Variants in TRPM3 observed in about 807,000 individuals in gnomAD.
TRPM3 encodes the protein transient receptor potential cation channel subfamily M member 3.
TRPM3 carries 77 observed loss-of-function variants against 181.2 expected under a neutral mutation model. The observed-to-expected ratio is 0.42, with a 90% CI of 0.35 to 0.51. The LOEUF is 0.51. Among genes scored for constraint, TRPM3 ranks in the 20% least tolerant of loss-of-function variants. The pLI is 0.01. For synonymous variants in TRPM3, 745 were observed against 796.4 expected (o/e 0.94, Z 1.09); for missense variants, 1,759 against 2,196.7 (o/e 0.80, Z 3.98).
intron 1 of TRPM3, among the ~76,000 whole-genome samples, chr9:71,390,343 A>G (rs995453389): frequency 1.3e-5 from 2 of 152,040 alleles, no homozygotes; most frequent in Non-Finnish European, 2.9e-5. Context: ...TATCAACTAA[A>G]ACTAACTTTC....
intron 1 of TRPM3, among the ~76,000 whole-genome samples, chr9:71,225,409 A>G (rs2080534830): frequency 1.3e-5 from 2 of 152,158 alleles, no homozygotes; most frequent in Non-Finnish European, 2.9e-5. Flanking sequence ...AAGGAAAAAT[A>G]AAGACTTTTC....
At chr9:71,307,996 G>GT (rs1588417221) in intron 1 of TRPM3, among the ~76,000 whole-genome samples, 1 of 146,516 alleles carries the variant, frequency 6.8e-6, no homozygotes. Flanking sequence ...TTGAGATGGA[G>GT]TTTCACTCTT....
At chr9:71,124,209 T>C (rs994287480), upstream of TRPM3, among the ~76,000 whole-genome samples, 27 of 151,734 alleles carry the variant, frequency 1.8e-4, no homozygotes, top group African/African-American at 6.5e-4. Context: ...TATCAAAACA[T>C]CTAAAGAAGG....
At chr9:71,329,901 T>A (rs1170374635) in intron 1 of TRPM3, among the ~76,000 whole-genome samples, 2 of 152,204 alleles carry the variant, frequency 1.3e-5, no homozygotes, top group Non-Finnish European at 2.9e-5. Context: ...TGAACCCTTG[T>A]ACAAATAAAT....
intron 1 of TRPM3, among the ~76,000 whole-genome samples, chr9:71,048,851 T>C (rs1286285336): frequency 1.3e-5 from 2 of 152,206 alleles, no homozygotes; most frequent in African/African-American, 4.8e-5. Context: ...GATGTATTTC[T>C]GTGAGATATT....
chr9:70,912,106 T>C (rs577908512), intron 1 of TRPM3, among the ~76,000 whole-genome samples: 23 of 152,312 alleles, frequency 1.5e-4, no homozygotes, highest in African/African-American at 5.5e-4. Context: ...AGTGTCTCAA[T>C]CTGTGCATAG....
Position 71,057,337 on chromosome 9 carries a change from T to C in TRPM3, c.177+63841A>G, listed in dbSNP as rs942594243. Among the ~76,000 whole-genome samples, 10 of 152,114 alleles carry C rather than the reference T, an allele frequency of 6.6e-5. No homozygotes were observed. In the East Asian group the frequency reaches 1.7e-3, roughly 26 times the overall value. ...GCTTGGATTGGTTGTTGTCTTCTCA[T>C]TCTGCTTTTGTATTTGAAGCTAGTG... On this transcript the variant is annotated intron_variant, in intron 1 of 25. Coordinates refer to ENST00000677713, the MANE Select transcript of TRPM3 (RefSeq NM_001366145.2).
At chr9:71,338,646 G>C (rs909308863) in intron 1 of TRPM3, among the ~76,000 whole-genome samples, 1 of 151,968 alleles carries the variant, frequency 6.6e-6, no homozygotes, top group Admixed American at 6.6e-5. Flanking sequence ...ATAAAAAGCA[G>C]TATCTGAAAT....
intron 9 of TRPM3, among the ~76,000 whole-genome samples, chr9:70,664,641 G>GTTTTTTTTTTTTTTTTTTTT (rs71367210): frequency 1.0e-5 from 1 of 100,220 alleles, no homozygotes. Flanking sequence ...TAGGAGAGTA[G>GTTTTTTTTTTTTTTTTTTTT]TTTTTTTTTT....
chr9:71,109,623 G>A (rs746887827), intron 1 of TRPM3, among the ~76,000 whole-genome samples: 10 of 151,996 alleles, frequency 6.6e-5, no homozygotes, highest in South Asian at 2.1e-4. Context: ...AGAATTGGCC[G>A]TTTCATTCTT....
Position 71,204,091 on chromosome 9 carries a change from C to T in TRPM3, c.183+242562G>A, listed in dbSNP as rs1360261039. Among the ~76,000 whole-genome samples the T allele has an allele frequency of 7.9e-5, 12 of 151,244 alleles. No homozygotes were observed. The East Asian group carries it at 2.3e-3, about 29-fold the overall frequency. On this transcript the variant is annotated intron_variant, in intron 1 of 24. Transcript: ENST00000357533. Reference sequence around the variant, plus strand: ...ATGGATTAAAGACTTAAACATTAGACCTAAAACCATAAAAACCCTAGAAGA... The same window carrying T: ...ATGGATTAAAGACTTAAACATTAGATCTAAAACCATAAAAACCCTAGAAGA...
chr9:70,678,229 T>G (rs1405449458), intron 9 of TRPM3, among the ~76,000 whole-genome samples: 1 of 152,188 alleles, frequency 6.6e-6, no homozygotes, highest in East Asian at 1.9e-4. Flanking sequence ...GTGAGCCCCT[T>G]ACATCTCTGA....
intron 22 of TRPM3, among the ~76,000 whole-genome samples, chr9:70,587,743 G>A (rs2057382387): frequency 6.6e-6 from 1 of 152,174 alleles, no homozygotes; most frequent in Non-Finnish European, 1.5e-5. Context: ...ACAACCCAGG[G>A]CCTAAGTTGT....
intron 1 of TRPM3, among the ~76,000 whole-genome samples, chr9:71,152,428 G>T (rs1382417997): frequency 2.6e-5 from 4 of 151,994 alleles, no homozygotes; most frequent in South Asian, 2.1e-4. Context: ...CAACCTCAAA[G>T]AAATCTTTAA....
chr9:71,292,929 C>A (rs1355947726), intron 1 of TRPM3, among the ~76,000 whole-genome samples: 5 of 151,658 alleles, frequency 3.3e-5, no homozygotes, highest in African/African-American at 1.2e-4. Flanking sequence ...CACAGCAATG[C>A]CCAAAAAAGC....
chr9:70,538,315 TG>T (rs376264090), intron 25 of TRPM3, among the ~76,000 whole-genome samples: 1,847 of 152,008 alleles, frequency 0.012, 36 homozygotes, highest in African/African-American at 0.041. Context: ...TTTTTAGAGA[TG>T]GGGGGGGTCT....
intron 1 of TRPM3, among the ~76,000 whole-genome samples, chr9:71,225,552 T>G (rs979393575): frequency 2.0e-5 from 3 of 152,124 alleles, no homozygotes; most frequent in African/African-American, 7.2e-5. Flanking sequence ...CAAAACTCAC[T>G]GCTAATAAGT....
intron 1 of TRPM3, among the ~76,000 whole-genome samples, chr9:70,935,606 C>T (rs2096821762): frequency 6.6e-6 from 1 of 152,144 alleles, no homozygotes; most frequent in African/African-American, 2.4e-5. Context: ...CTACCTTGCT[C>T]TCTTTACTCA....
At chr9:70,873,958 C>T (rs1287842302) in intron 1 of TRPM3, among the ~76,000 whole-genome samples, 1 of 151,878 alleles carries the variant, frequency 6.6e-6, no homozygotes, top group Non-Finnish European at 1.5e-5. Flanking sequence ...GGAATAATCT[C>T]TTTGTGGGCT....
Sources: allele counts gnomAD v4.1 joint callset (sites outside exome capture counted in the v4.1 genomes callset), GRCh38; gene constraint gnomAD v4.1.1; transcripts MANE v1.5; gene names NCBI Gene and HGNC (gene_info 2026-07-23, HGNC 2026-07-21).